The following PRKCB variants were observed in gnomAD, a reference collection of about 807,000 sequenced individuals.
The protein encoded by PRKCB is protein kinase C beta, also known as protein kinase C beta type.
A neutral mutation model predicts 81.5 loss-of-function variants in PRKCB; 13 were observed. That is an observed-to-expected ratio of 0.16 (90% CI 0.10 to 0.25). The LOEUF (loss-of-function observed/expected upper bound fraction) is 0.25. Ranked by LOEUF, PRKCB falls within the 10% of genes least tolerant of loss-of-function variation. PRKCB has a pLI of 1.00. For synonymous variants in PRKCB, 335 were observed against 321.4 expected (o/e 1.04, Z -0.45); for missense variants, 509 against 875.7 (o/e 0.58, Z 5.29).
intron 16 of PRKCB, among the ~76,000 whole-genome samples, chr16:24,193,121 G>T (rs934375090): frequency 1.3e-5 from 2 of 151,894 alleles, no homozygotes; most frequent in Non-Finnish European, 1.5e-5. Flanking sequence ...CACCATGTCT[G>T]CCTAATTTTT....
intron 3 of PRKCB, among the ~76,000 whole-genome samples, chr16:23,990,039 C>T (rs192794573): frequency 2.4e-3 from 372 of 152,248 alleles, no homozygotes; most frequent in Admixed American, 8.2e-3. Flanking sequence ...ATGAGGGACA[C>T]ATTGCCGACA....
rs147758916 is a variant in PRKCB at position 24,003,547 on chromosome 16, G to A, written c.288+14957G>A. ...CTACAGATGTGCACCACCATACTCA[G>A]CTAATTTTTGTATTTTCAGTAGAGA... is the stretch of plus-strand genomic sequence containing the variant. On this transcript the variant is annotated intron_variant, in intron 3 of 16. Coordinates refer to ENST00000643927, the MANE Select transcript of PRKCB (RefSeq NM_002738.7). 7.8e-3 allele frequency among the ~76,000 whole-genome samples: 1,180 copies of A among 152,164 alleles called. 10 individuals are homozygous for A. The highest frequency in any genetic ancestry group is 0.012 in the Admixed American group (184 of 15,278).
At chr16:24,072,091 A>G (rs981493372) in intron 5 of PRKCB, among the ~76,000 whole-genome samples, 2 of 151,838 alleles carry the variant, frequency 1.3e-5, no homozygotes, top group Non-Finnish European at 2.9e-5. Context: ...ATGACTTAAA[A>G]TGATCTGTTT....
intron 3 of PRKCB, 112 bp downstream of exon 3, chr16:23,988,702 A>T: frequency 9.9e-7 from 1 of 1,009,750 alleles, no homozygotes; most frequent in Non-Finnish European, 1.5e-6. Flanking sequence ...ACTCTAAGGC[A>T]TGTGGTGGTC....
intron 2 of PRKCB, among the ~76,000 whole-genome samples, chr16:23,881,981 T>C (rs1452527616): frequency 4.3e-5 from 1 of 23,306 alleles, no homozygotes; most frequent in African/African-American, 1.1e-4. Flanking sequence ...TTTCTTTCTT[T>C]CTTTCTTTCT....
At chr16:24,096,086 G>A (rs148783907) in intron 7 of PRKCB, among the ~76,000 whole-genome samples, 17 of 151,934 alleles carry the variant, frequency 1.1e-4, no homozygotes, top group African/African-American at 3.6e-4. Flanking sequence ...TCACGAGATC[G>A]GGAGATCGAG....
intron 2 of PRKCB, among the ~76,000 whole-genome samples, chr16:23,941,293 A>T (rs1437617852): frequency 6.6e-6 from 1 of 152,232 alleles, no homozygotes; most frequent in Non-Finnish European, 1.5e-5. Flanking sequence ...ACAAGAAGGA[A>T]GTAATGAAAG....
chr16:23,956,703 A>G lies in PRKCB; in HGVS notation c.206-31805A>G, dbSNP rs1964353818. Among the ~76,000 whole-genome samples the G allele has an allele frequency of 3.9e-5, 6 of 152,356 alleles. No homozygotes were observed. In the Middle Eastern group the frequency reaches 0.017, roughly 432 times the overall value. ...CCTCTTAGAAAATGTCTTTTAGAAG[A>G]TAAAATACCTATTGTTAAGCCATGA... On this transcript the variant is annotated intron_variant, in intron 2 of 16. Transcript: ENST00000643927.
intron 3 of PRKCB, among the ~76,000 whole-genome samples, chr16:24,002,940 A>C (rs999388026): frequency 6.6e-6 from 1 of 152,012 alleles, no homozygotes; most frequent in Non-Finnish European, 1.5e-5. Flanking sequence ...GTTGGACTCA[A>C]GGGGAGGGGC....
intron 2 of PRKCB, among the ~76,000 whole-genome samples, chr16:23,852,328 T>C (rs1283896204): frequency 6.6e-6 from 1 of 152,240 alleles, no homozygotes; most frequent in Non-Finnish European, 1.5e-5. Flanking sequence ...TGAAAGAATG[T>C]TAATTTTTTT....
At chr16:23,894,263 C>T (rs1456715903) in intron 2 of PRKCB, among the ~76,000 whole-genome samples, 2 of 152,070 alleles carry the variant, frequency 1.3e-5, no homozygotes, top group African/African-American at 4.8e-5. Context: ...TGGCCAAGCC[C>T]GGAGACAGTT....
At chr16:23,858,650 C>T (rs1255533002) in intron 2 of PRKCB, among the ~76,000 whole-genome samples, 1 of 151,976 alleles carries the variant, frequency 6.6e-6, no homozygotes, top group Non-Finnish European at 1.5e-5. Context: ...CTTTCATTGG[C>T]CACGTGATCA....
rs1186144985 is a variant in PRKCB at position 23,857,128 on chromosome 16, CA to C, written c.205+19726del. 3.3e-5 allele frequency among the ~76,000 whole-genome samples: 5 copies of C among 152,106 alleles called. No homozygotes were observed. In the East Asian group the frequency reaches 9.6e-4, roughly 29 times the overall value. ...TCTTTCAGCTTTAACATATCACAGA[CA>C]AAAGTTATTTTTCCAAATAGAATTT... On this transcript the variant is annotated intron_variant, in intron 2 of 16. Coordinates refer to ENST00000643927, the MANE Select transcript of PRKCB (RefSeq NM_002738.7).
intron 16 of PRKCB, among the ~76,000 whole-genome samples, chr16:24,201,266 C>T (rs1025050924): frequency 2.6e-5 from 4 of 152,304 alleles, no homozygotes. Flanking sequence ...CTGATTTAAA[C>T]TGACTTTTAA....
intron 2 of PRKCB, among the ~76,000 whole-genome samples, chr16:23,890,088 A>G (rs139753793): frequency 6.6e-6 from 1 of 152,254 alleles, no homozygotes; most frequent in Non-Finnish European, 1.5e-5. Context: ...AAAACAATAA[A>G]TCAGTTAATG....
intron 2 of PRKCB, among the ~76,000 whole-genome samples, chr16:23,969,409 A>G (rs1006236146): frequency 6.6e-6 from 1 of 152,156 alleles, no homozygotes; most frequent in African/African-American, 2.4e-5. Context: ...TTTCACTTAA[A>G]ATAATGTTTT....
intron 16 of PRKCB, among the ~76,000 whole-genome samples, chr16:24,214,449 G>A (rs1429053945): frequency 5.9e-5 from 9 of 152,148 alleles, no homozygotes; most frequent in East Asian, 1.9e-4. Context: ...ACTGAAGGTC[G>A]GGAACCCAAG....
chr16:24,179,254 A>G (rs1341287541), intron 12 of PRKCB, among the ~76,000 whole-genome samples: 1 of 152,160 alleles, frequency 6.6e-6, no homozygotes, highest in East Asian at 1.9e-4. Context: ...CCACTTGACC[A>G]CTGCTGGAGC....
intron 7 of PRKCB, among the ~76,000 whole-genome samples, chr16:24,112,020 T>G (rs1207755327): frequency 6.6e-6 from 1 of 152,132 alleles, no homozygotes; most frequent in African/African-American, 2.4e-5. Flanking sequence ...TGAGATGAGA[T>G]TTGCACCCAG....
Sources: gnomAD v4.1 joint callset for allele counts (sites outside exome capture counted in the v4.1 genomes callset) on GRCh38, gnomAD v4.1.1 for gene constraint, MANE v1.5 for transcripts, NCBI Gene and HGNC (gene_info 2026-07-23, HGNC 2026-07-21) for gene names.